Variants in DENND5B observed in about 807,000 individuals in gnomAD.
DENND5B encodes the protein DENN domain-containing protein 5B.
A neutral mutation model predicts 140.6 loss-of-function variants in DENND5B; 34 were observed. That is an observed-to-expected ratio of 0.24 (90% CI 0.18 to 0.32). The LOEUF (loss-of-function observed/expected upper bound fraction) is 0.32. DENND5B is among the 10% of genes least tolerant of loss of function. The pLI is 1.00. For synonymous variants in DENND5B, 551 were observed against 562.1 expected (o/e 0.98, Z 0.28); for missense variants, 1,142 against 1,560.2 (o/e 0.73, Z 4.52).
chr12:31,559,904 T>C lies in DENND5B; in HGVS notation c.127+30802A>G, dbSNP rs1192460482. On this transcript the variant is annotated intron_variant, in intron 1 of 20. Coordinates refer to ENST00000389082, the MANE Select transcript of DENND5B (RefSeq NM_144973.4). Reference sequence around the variant, plus strand: ...AGATACTCTTAGTGCTGCTGCTGCCTTCCTTCTTTACTGTTCTATTCTCCA... The same window carrying C: ...AGATACTCTTAGTGCTGCTGCTGCCCTCCTTCTTTACTGTTCTATTCTCCA... Among the ~76,000 whole-genome samples, 4 of 152,176 alleles carry C rather than the reference T, an allele frequency of 2.6e-5. 1 individual carries two copies.
chr12:31,479,599 G>A lies in DENND5B; in HGVS notation c.894C>T (p.Leu298=), dbSNP rs538519875. Residue 298 remains leucine, a synonymous_variant, in exon 3 of 21, where the codon CTC becomes CTT. Coordinates refer to ENST00000389082, the MANE Select transcript of DENND5B (RefSeq NM_144973.4). ...TCVLLEMQIL[L]YSQDYQRLMT... Reference sequence around the variant, plus strand: ...CCAAGGAAAACCTACCTTGTGAGTAGAGAAGGATTTGCATCTCTAAAAGAA... The same window carrying A: ...CCAAGGAAAACCTACCTTGTGAGTAAAGAAGGATTTGCATCTCTAAAAGAA... The A allele has an allele frequency of 5.4e-6, 8 of 1,493,058 alleles. No homozygotes were observed. The Admixed American group carries it at 7.5e-5, about 14-fold the overall frequency. The allele number at this position is 1,493,058 out of a possible 1,614,324, so 92.5% of individuals were successfully genotyped here.
At chr12:31,430,728 G>C (rs144913051) in intron 8 of DENND5B, among the ~76,000 whole-genome samples, 226 of 152,280 alleles carry the variant, frequency 1.5e-3, no homozygotes, top group African/African-American at 4.9e-3. Flanking sequence ...AAACAAGCTA[G>C]ACGGTGGCTG....
At chr12:31,443,050 G>GTGT in intron 6 of DENND5B, 125 bp from the exon 7 acceptor site, 1 of 792,930 alleles carries the variant, frequency 1.3e-6, no homozygotes, top group Non-Finnish European at 1.9e-6. Context: ...GATATTGTGT[G>GTGT]TGTGTGTGTG....
intron 1 of DENND5B, among the ~76,000 whole-genome samples, chr12:31,539,992 C>CA (rs1406196784): frequency 1.3e-5 from 2 of 151,898 alleles, no homozygotes; most frequent in South Asian, 4.1e-4. Context: ...AAGACTCCAC[C>CA]AAAAAACTAT....
At chr12:31,415,545 T>G in intron 11 of DENND5B, 97 bp from the exon 12 acceptor site, 1 of 977,202 alleles carries the variant, frequency 1.0e-6, no homozygotes, top group East Asian at 2.9e-5. Flanking sequence ...AGAACAAATT[T>G]TAACAATATA....
In DENND5B at chr12:31,389,511, G is replaced by T; in HGVS notation, c.3467-13C>A. ...GCAACCACTTTCTCTGAGGAAAAAA[G>T]TCAGAATTATGTCACAATATGTGTC... On this transcript the variant is annotated splice_polypyrimidine_tract_variant and intron_variant, in intron 19 of 20. Coordinates refer to ENST00000389082, the MANE Select transcript of DENND5B (RefSeq NM_144973.4). 6.4e-7 allele frequency: 1 copy of T among 1,565,254 alleles called. No individual in the cohort carries two copies. The highest frequency in any genetic ancestry group is 1.9e-5 in the Admixed American group (1 of 52,236).
chr12:31,419,772 G>C (rs1476959519), intron 11 of DENND5B, among the ~76,000 whole-genome samples: 1 of 151,860 alleles, frequency 6.6e-6, no homozygotes, highest in Non-Finnish European at 1.5e-5. Flanking sequence ...TCAGGAGTTT[G>C]AGACCAGCCT....
At chr12:31,449,504 A>G (rs1944413838) in intron 5 of DENND5B, among the ~76,000 whole-genome samples, 1 of 152,126 alleles carries the variant, frequency 6.6e-6, no homozygotes, top group Admixed American at 6.6e-5. Context: ...GTCAACAACG[A>G]TTTGGCTTGT....
chr12:31,575,562 CT>C (rs1178306599), intron 1 of DENND5B, among the ~76,000 whole-genome samples: 1 of 152,210 alleles, frequency 6.6e-6, no homozygotes, highest in Non-Finnish European at 1.5e-5. Flanking sequence ...CAGATTGTCC[CT>C]GTTTTCTCAA....
chr12:31,402,531 C>T lies in DENND5B; in HGVS notation c.2916G>A (p.Gln972=), dbSNP rs770519883. 1.2e-6 allele frequency: 2 copies of T among 1,613,352 alleles called. No individual in the cohort carries two copies. The highest frequency in any genetic ancestry group is 1.3e-5 in the African/African-American group (1 of 74,900). The part of the protein sequence containing the change: ...SGELGDTGVM[Q]IPKNLLEMTF... ...TCATTTCGAGGAGGTTTTTGGGAAT[C>T]TGCATTACTCCTGTGTCTCCCAGCT... Residue 972 remains glutamine (Q), a synonymous_variant, in exon 15 of 21, where the codon CAG becomes CAA. Coordinates refer to ENST00000389082, the MANE Select transcript of DENND5B (RefSeq NM_144973.4).
chr12:31,435,905 G>A (rs890080536), intron 7 of DENND5B, among the ~76,000 whole-genome samples: 2 of 151,886 alleles, frequency 1.3e-5, no homozygotes, highest in African/African-American at 2.4e-5. Flanking sequence ...CATGTGATCC[G>A]CCCACCTCGG....
At chr12:31,453,073 G>A (rs2138142308) in intron 4 of DENND5B, among the ~76,000 whole-genome samples, 1 of 152,232 alleles carries the variant, frequency 6.6e-6, no homozygotes, top group South Asian at 2.1e-4. Flanking sequence ...CTCCCAATAG[G>A]ATGAAACTGG....
At chr12:31,529,768 GC>G (rs1948218432) in intron 1 of DENND5B, among the ~76,000 whole-genome samples, 2 of 151,064 alleles carry the variant, frequency 1.3e-5, no homozygotes, top group Admixed American at 1.3e-4. Flanking sequence ...TTTAAAAAAT[GC>G]CCAACACAAA....
At position 31,522,841 on chromosome 12, in the gene DENND5B, T is replaced by TA. The variant is rs532383656; in HGVS notation, c.128-26923dup. ...AAACATCTAAATACCTTTCCTTTTTTAGGCAGGAGGGAGTGGGGCTTATAT... is the reference window on the plus strand; with the variant it reads ...AAACATCTAAATACCTTTCCTTTTTTAAGGCAGGAGGGAGTGGGGCTTATAT... On this transcript the variant is annotated intron_variant, in intron 1 of 20. Coordinates refer to ENST00000389082, the MANE Select transcript of DENND5B (RefSeq NM_144973.4). Among the ~76,000 whole-genome samples the TA allele has an allele frequency of 3.7e-4, 56 of 152,266 alleles. No homozygotes were observed. In the Middle Eastern group the frequency reaches 0.014, roughly 37 times the overall value.
At chr12:31,404,419 C>T (rs1194218597) in intron 14 of DENND5B, among the ~76,000 whole-genome samples, 1 of 152,158 alleles carries the variant, frequency 6.6e-6, no homozygotes, top group Non-Finnish European at 1.5e-5. Flanking sequence ...ATCTCAGCCT[C>T]CCCAGCAGTT....
chr12:31,460,145 G>A (rs374276113), intron 4 of DENND5B, 49 bp downstream of exon 4: 109 of 1,551,760 alleles, frequency 7.0e-5, no homozygotes, highest in Non-Finnish European at 8.9e-5. Context: ...AAGTCGCCTT[G>A]ACCTAAATCA....
chr12:31,453,956 A>C (rs1178100443), intron 4 of DENND5B, among the ~76,000 whole-genome samples: 1 of 152,046 alleles, frequency 6.6e-6, no homozygotes, highest in Admixed American at 6.6e-5. Flanking sequence ...AGTCTGGCCA[A>C]CATGGTGAAA....
At chr12:31,489,785 C>T (rs1341166073) in intron 2 of DENND5B, among the ~76,000 whole-genome samples, 1 of 152,076 alleles carries the variant, frequency 6.6e-6, no homozygotes, top group Non-Finnish European at 1.5e-5. Flanking sequence ...CCTAAGGTGA[C>T]CTGAGTGCTG....
At chr12:31,459,767 C>T (rs918464365) in intron 4 of DENND5B, among the ~76,000 whole-genome samples, 2 of 151,992 alleles carry the variant, frequency 1.3e-5, no homozygotes, top group African/African-American at 2.4e-5. Flanking sequence ...TTCCATTATC[C>T]CTAGTTTGCT....
Sources: gnomAD v4.1 joint callset for allele counts (sites outside exome capture counted in the v4.1 genomes callset) on GRCh38, gnomAD v4.1.1 for gene constraint, MANE v1.5 for transcripts, NCBI Gene and HGNC (gene_info 2026-07-23, HGNC 2026-07-21) for gene names.